Variants in ABCA13 observed in about 807,000 individuals in gnomAD.
The protein encoded by ABCA13 is ATP binding cassette subfamily A member 13.
A neutral mutation model predicts 478.7 loss-of-function variants in ABCA13; 476 were observed. The ratio of observed to expected loss-of-function variants is 0.99; its 90% CI spans 0.92 to 1.07. The LOEUF (loss-of-function observed/expected upper bound fraction) is 1.07, where lower values mean the gene tolerates loss of function less well. ABCA13 is among the 50% of genes least tolerant of loss of function. The probability of loss-of-function intolerance (pLI) is 0.00; values close to 1 mark genes in which losing one functional copy is unlikely to be tolerated. For synonymous variants in ABCA13, 2,252 were observed against 2,158.9 expected, an observed-to-expected ratio of 1.04 and a Z score of -1.20; for missense variants, 6,060 against 5,910.6, an observed-to-expected ratio of 1.03 and a Z score of -0.83.
chr7:48,517,758 A>G (rs962359935), intron 52 of ABCA13, among the ~76,000 whole-genome samples: 2 of 152,056 alleles, frequency 1.3e-5, no homozygotes, highest in African/African-American at 4.8e-5. Flanking sequence ...TGACCACACT[A>G]TTCTCTCCTG....
At chr7:48,480,490 A>G (rs1223502038) in intron 45 of ABCA13, among the ~76,000 whole-genome samples, 1 of 152,210 alleles carries the variant, frequency 6.6e-6, no homozygotes, top group Non-Finnish European at 1.5e-5. Flanking sequence ...GGCAGGGCAG[A>G]GCACATCATT....
At chr7:48,224,159 G>A (rs1787808069) in intron 5 of ABCA13, among the ~76,000 whole-genome samples, 1 of 152,078 alleles carries the variant, frequency 6.6e-6, no homozygotes, top group Non-Finnish European at 1.5e-5. Flanking sequence ...ACAGTTCCCC[G>A]AGAGCTCAGA....
At chr7:48,223,032 G>T (rs905359530) in intron 5 of ABCA13, among the ~76,000 whole-genome samples, 30 of 152,278 alleles carry the variant, frequency 2.0e-4, no homozygotes, top group African/African-American at 7.0e-4. Flanking sequence ...TATTTTGGAG[G>T]TAAAATCAGT....
At chr7:48,283,683 C>T (rs771094289) in intron 19 of ABCA13, among the ~76,000 whole-genome samples, 4 of 152,146 alleles carry the variant, frequency 2.6e-5, no homozygotes, top group African/African-American at 7.2e-5. Flanking sequence ...TGCTGGGACT[C>T]GTGGTCTGTA....
chr7:48,424,000 T>C (rs1821098528), intron 41 of ABCA13, among the ~76,000 whole-genome samples: 1 of 151,710 alleles, frequency 6.6e-6, no homozygotes. Flanking sequence ...TGAATTGGCT[T>C]ATGGCCTATA....
chr7:48,187,916 G>A (rs1036654820), intron 1 of ABCA13, among the ~76,000 whole-genome samples: 7 of 151,642 alleles, frequency 4.6e-5, no homozygotes, highest in Non-Finnish European at 8.8e-5. Flanking sequence ...TTTTTCTGTT[G>A]GTTTATTTCC....
At chr7:48,440,325 T>C (rs957394273) in intron 42 of ABCA13, among the ~76,000 whole-genome samples, 1 of 152,178 alleles carries the variant, frequency 6.6e-6, no homozygotes, top group African/African-American at 2.4e-5. Context: ...TAATTGTGCC[T>C]GTTTCTGAAC....
At position 48,455,388 on chromosome 7, in the gene ABCA13, A is replaced by G. The variant is rs189660785; in HGVS notation, c.12815+102A>G. On this transcript the variant is annotated intron_variant, in intron 43 of 61. Coordinates refer to ENST00000435803, the MANE Select transcript of ABCA13 (RefSeq NM_152701.5). ...AGAATTCTAGATAAAAACTGGAAAT[A>G]TAAATGTTTTCATTATTTCCGAGGT... The G allele has an allele frequency of 1.0e-5, 14 of 1,406,694 alleles. No homozygotes were observed. In the African/African-American group the frequency reaches 1.7e-4, roughly 17 times the overall value. The allele number at this position is 1,406,694 out of a possible 1,614,324, so 87.1% of individuals were successfully genotyped here. A position where few individuals can be genotyped will look rare whatever the true frequency, so the allele number is the denominator to read the frequency against.
At chr7:48,195,001 G>T (rs1445383916) in intron 2 of ABCA13, among the ~76,000 whole-genome samples, 5 of 152,212 alleles carry the variant, frequency 3.3e-5, no homozygotes, top group African/African-American at 1.2e-4. Context: ...GCCATGATGG[G>T]ATTTTATACA....
chr7:48,251,783 T>C (rs1418689313), intron 15 of ABCA13, among the ~76,000 whole-genome samples: 1 of 152,106 alleles, frequency 6.6e-6, no homozygotes, highest in Non-Finnish European at 1.5e-5. Context: ...TATTTTCTAA[T>C]AGGTACTTTT....
chr7:48,627,052 C>A (rs1431728281), intron 59 of ABCA13: 1 of 985,090 alleles, frequency 1.0e-6, no homozygotes, highest in Non-Finnish European at 1.2e-6. Flanking sequence ...ATTCATGTTG[C>A]TGCATTTATT....
intron 3 of ABCA13, 151 bp from the exon 4 acceptor site, chr7:48,219,203 G>T: frequency 4.6e-6 from 3 of 657,048 alleles, no homozygotes; most frequent in South Asian, 2.6e-5. Flanking sequence ...TTGGATGAGG[G>T]TCAGGTGAAA....
intron 55 of ABCA13, among the ~76,000 whole-genome samples, chr7:48,567,996 T>C (rs1216790129): frequency 2.6e-5 from 4 of 152,150 alleles, no homozygotes; most frequent in Admixed American, 1.3e-4. Flanking sequence ...GTGTTTAGCT[T>C]TTGTAAATAC....
intron 25 of ABCA13, 121 bp downstream of exon 25, chr7:48,313,352 G>A: frequency 2.0e-6 from 2 of 996,524 alleles, no homozygotes; most frequent in South Asian, 1.7e-5. Flanking sequence ...ATACAGGAAT[G>A]AAAGTACCTT....
chr7:48,212,862 A>G (rs1037701663), intron 3 of ABCA13, among the ~76,000 whole-genome samples: 8 of 152,104 alleles, frequency 5.3e-5, no homozygotes, highest in African/African-American at 1.9e-4. Flanking sequence ...TTATACATGT[A>G]TTGCAAATAT....
At chr7:48,245,477 T>C (rs1157299795) in intron 11 of ABCA13, 35 bp from the exon 12 acceptor site, 1 of 1,550,468 alleles carries the variant, frequency 6.4e-7, no homozygotes, top group East Asian at 2.3e-5. Context: ...CTTACTTACC[T>C]TAGGTGAATA....
At chr7:48,348,862 G>A (rs985221570) in intron 29 of ABCA13, among the ~76,000 whole-genome samples, 1 of 152,182 alleles carries the variant, frequency 6.6e-6, no homozygotes, top group Non-Finnish European at 1.5e-5. Flanking sequence ...GTTAGGCAGG[G>A]CTGTCTGGAA....
At chr7:48,564,209 A>G (rs1348427293) in intron 55 of ABCA13, among the ~76,000 whole-genome samples, 2 of 151,994 alleles carry the variant, frequency 1.3e-5, no homozygotes, top group Non-Finnish European at 2.9e-5. Context: ...ACTGTCATAT[A>G]TGGTCCTGAA....
intron 27 of ABCA13, among the ~76,000 whole-genome samples, chr7:48,321,929 G>A (rs930227358): frequency 6.6e-6 from 1 of 152,190 alleles, no homozygotes; most frequent in African/African-American, 2.4e-5. Flanking sequence ...TCACCAGGCT[G>A]CCCCTGGAGA....
Sources: gnomAD v4.1 joint callset for allele counts (sites outside exome capture counted in the v4.1 genomes callset) on GRCh38, gnomAD v4.1.1 for gene constraint, MANE v1.5 for transcripts, NCBI Gene and HGNC (gene_info 2026-07-23, HGNC 2026-07-21) for gene names.